DPYSL2: variants seen among roughly 807,000 people sequenced by gnomAD.
The protein encoded by DPYSL2 is dihydropyrimidinase-related protein 2.
DPYSL2 carries 13 observed loss-of-function variants against 69.9 expected under a neutral mutation model. The observed-to-expected ratio is 0.19, with a 90% confidence interval of 0.12 to 0.30. DPYSL2 has a LOEUF of 0.30. Ranked by LOEUF, DPYSL2 falls within the 10% of genes least tolerant of loss-of-function variation. The pLI, the probability that DPYSL2 is intolerant of heterozygous loss-of-function variation, is 1.00. For missense variants in DPYSL2, 587 were observed against 918.9 expected (o/e 0.64, Z 4.67); for synonymous variants, 326 against 359.1 (o/e 0.91, Z 1.04).
chr8:26,524,587 C>T (rs1278767037), intron 1 of DPYSL2, among the ~76,000 whole-genome samples: 1 of 151,888 alleles, frequency 6.6e-6, no homozygotes, highest in Non-Finnish European at 1.5e-5. Flanking sequence ...CACCTGAGGT[C>T]AGGAGTTTGA....
chr8:26,617,517 A>G lies in DPYSL2; in HGVS notation c.629-6626A>G, dbSNP rs1396786803. 6.6e-6 allele frequency among the ~76,000 whole-genome samples: 1 copy of G among 151,834 alleles called. No individual in the cohort carries two copies. The highest frequency in any genetic ancestry group is 1.5e-5 in the Non-Finnish European group (1 of 67,950). ...CTCAACAAAAGAAAAAGGATAAAAG[A>G]AAAAAAAATTAAAAGTAGGGTCATT... On this transcript the variant is annotated intron_variant, in intron 3 of 13. Transcript: ENST00000521913. This position sits in a 1 kb window ranked among gnomAD's most constrained non-coding sequence, Gnocchi z 4.7.
At position 26,598,799 on chromosome 8, in the gene DPYSL2, T is replaced by C. The variant is rs1801924522; in HGVS notation, c.628+14816T>C. Among the ~76,000 whole-genome samples the C allele has an allele frequency of 6.6e-6, 1 of 152,176 alleles. No individual in the cohort carries two copies. The highest frequency in any genetic ancestry group is 1.5e-5 in the Non-Finnish European group (1 of 68,036). On this transcript the variant is annotated intron_variant, in intron 3 of 13. Coordinates refer to ENST00000521913, the MANE Select transcript of DPYSL2 (RefSeq NM_001197293.3). This position sits in a 1 kb window ranked among gnomAD's most constrained non-coding sequence, Gnocchi z 4.2. Reference sequence around the variant, plus strand: ...AGGTTTGAGACTTACACCTTGTTTATTGCAATCTTTCTTTCATTTTGCAGG... The same window carrying C: ...AGGTTTGAGACTTACACCTTGTTTACTGCAATCTTTCTTTCATTTTGCAGG...
At position 26,565,931 on chromosome 8, in the gene DPYSL2, G is replaced by A. The variant is rs1001370563; in HGVS notation, c.355-16038G>A. Reference sequence around the variant, plus strand: ...AATTGTCTATGTCCTAGGCCTTGAAGAGATGCACTGCGTTGGCTAGAACTC... The same window carrying A: ...AATTGTCTATGTCCTAGGCCTTGAAAAGATGCACTGCGTTGGCTAGAACTC... On this transcript the variant is annotated intron_variant, in intron 1 of 13. Coordinates refer to ENST00000521913, the MANE Select transcript of DPYSL2 (RefSeq NM_001197293.3). This position sits in a 1 kb window ranked among gnomAD's most constrained non-coding sequence, Gnocchi z 4.1. Among the ~76,000 whole-genome samples the A allele has an allele frequency of 6.6e-6, 1 of 152,218 alleles. No homozygotes were observed. The highest frequency in any genetic ancestry group is 2.4e-5 in the African/African-American group (1 of 41,454).
Position 26,647,456 on chromosome 8 carries a change from T to C in DPYSL2, c.1426-174T>C, listed in dbSNP as rs1803191487. Among the ~76,000 whole-genome samples, 1 of 152,262 alleles carries C rather than the reference T, an allele frequency of 6.6e-6. No homozygotes were observed. Among genetic ancestry groups the C allele is most frequent in the Non-Finnish European group, 1.5e-5 (1 of 68,046 alleles). ...CCATTTTGTTATTTGGAGAATGTTA[T>C]AGAAATGGAGTCATACAGTGTGTGA... On this transcript the variant is annotated intron_variant, in intron 10 of 13. Transcript: ENST00000521913. The surrounding 1 kb of genome is among the most constrained non-coding windows in gnomAD (Gnocchi z 5.1).
intron 3 of DPYSL2, 82 bp downstream of exon 3, chr8:26,584,065 C>G (rs1801545223): frequency 2.1e-6 from 3 of 1,416,014 alleles, no homozygotes; most frequent in Non-Finnish European, 2.9e-6. Flanking sequence ...TTCTCTCCTT[C>G]TAAAACTTGC....
At position 26,627,745 on chromosome 8, in the gene DPYSL2, T is replaced by C. The variant is rs1802652698; in HGVS notation, c.937-127T>C. 1 of 906,272 alleles carries C rather than the reference T, an allele frequency of 1.1e-6. No homozygotes were observed. 56.1% of individuals were successfully genotyped at this position (906,272 alleles called of 1,614,324 possible). A position where few individuals can be genotyped will look rare whatever the true frequency, so the allele number is the denominator to read the frequency against. Reference sequence around the variant, plus strand: ...CCCTTCTCTTCATGAGGTCTTGGGATGAGGGCAGAACGATCGGCAGTGGTA... The same window carrying C: ...CCCTTCTCTTCATGAGGTCTTGGGACGAGGGCAGAACGATCGGCAGTGGTA... On this transcript the variant is annotated intron_variant, in intron 6 of 13. Transcript: ENST00000521913. The surrounding 1 kb of genome is among the most constrained non-coding windows in gnomAD (Gnocchi z 6.9).
In DPYSL2 at chr8:26,642,294, G is replaced by T. The variant is rs765513533; in HGVS notation, c.1127-1145G>T. ...ACTGGAGGGGAGGATGGGATTCTCA[G>T]GTGAAGGGTGTGAGACCCGAGTTGT... is the stretch of plus-strand genomic sequence containing the variant. On this transcript the variant is annotated intron_variant, in intron 8 of 13. Transcript: ENST00000521913. The surrounding 1 kb of genome is among the most constrained non-coding windows in gnomAD (Gnocchi z 5.3). 6.6e-6 allele frequency among the ~76,000 whole-genome samples: 1 copy of T among 152,196 alleles called. No homozygotes were observed. Among genetic ancestry groups the T allele is most frequent in the Non-Finnish European group, 1.5e-5 (1 of 68,028 alleles).
rs1447054599 is a variant in DPYSL2, at chr8:26,588,372, T to A, written c.628+4389T>A. On this transcript the variant is annotated intron_variant, in intron 3 of 13. Coordinates refer to ENST00000521913, the MANE Select transcript of DPYSL2 (RefSeq NM_001197293.3). The surrounding 1 kb of genome is among the most constrained non-coding windows in gnomAD (Gnocchi z 5.4). ...CCTTACCTGGTTAAAGTAGCAAATC[T>A]GCTGGTGGGGTCTGTGACTCTGTAT... Among the ~76,000 whole-genome samples, 1 of 152,208 alleles carries A rather than the reference T, an allele frequency of 6.6e-6. No homozygotes were observed. Among genetic ancestry groups the A allele is most frequent in the Non-Finnish European group, 1.5e-5 (1 of 68,038 alleles).
chr8:26,527,168 A>G (rs1453483213), intron 1 of DPYSL2, among the ~76,000 whole-genome samples: 1 of 152,090 alleles, frequency 6.6e-6, no homozygotes, highest in Non-Finnish European at 1.5e-5. Flanking sequence ...CCCTGAAATC[A>G]TTTCTGTTCA....
intron 2 of DPYSL2, among the ~76,000 whole-genome samples, chr8:26,583,446 A>C (rs1801532321): frequency 6.6e-6 from 1 of 152,168 alleles, no homozygotes; most frequent in Non-Finnish European, 1.5e-5. Context: ...GTCTGGAGAA[A>C]ATTGCTATAG....
At position 26,556,493 on chromosome 8, in the gene DPYSL2, G is replaced by C. The variant is rs567377770; in HGVS notation, c.355-25476G>C. On this transcript the variant is annotated intron_variant, in intron 1 of 13. Coordinates refer to ENST00000521913, the MANE Select transcript of DPYSL2 (RefSeq NM_001197293.3). Reference sequence around the variant, plus strand: ...ACTATTAAATGATTATATCAAGATTGTAGGATATAAGGTTATTATACAAAA... The same window carrying C: ...ACTATTAAATGATTATATCAAGATTCTAGGATATAAGGTTATTATACAAAA... Among the ~76,000 whole-genome samples, 249 of 124,684 alleles carry C rather than the reference G, an allele frequency of 2.0e-3. 2 individuals are homozygous for C. Among genetic ancestry groups the C allele is most frequent in the Admixed American group, 7.8e-3 (86 of 11,066 alleles). 81.8% of individuals were successfully genotyped at this position (124,684 alleles called of 152,430 possible).
intron 3 of DPYSL2, among the ~76,000 whole-genome samples, chr8:26,592,507 C>G (rs1300600232): frequency 7.3e-6 from 1 of 136,706 alleles, no homozygotes; most frequent in African/African-American, 2.7e-5. Flanking sequence ...CGGAGTTTTG[C>G]TCTTGTTGCC....
rs1168926456 is a variant in DPYSL2 at position 26,598,559 on chromosome 8, C to A, written c.628+14576C>A. 6.6e-6 allele frequency among the ~76,000 whole-genome samples: 1 copy of A among 152,216 alleles called. No homozygotes were observed. The highest frequency in any genetic ancestry group is 6.5e-5 in the Admixed American group (1 of 15,284). On this transcript the variant is annotated intron_variant, in intron 3 of 13. Coordinates refer to ENST00000521913, the MANE Select transcript of DPYSL2 (RefSeq NM_001197293.3). The surrounding 1 kb of genome is among the most constrained non-coding windows in gnomAD (Gnocchi z 4.2). ...AAAGCACCAGGAGACACCCGATGTG[C>A]CCCCACCTTGGTGAGCACCTTTCCC...
rs1159470003 is a variant in DPYSL2 at position 26,587,045 on chromosome 8, G to C, written c.628+3062G>C. Among the ~76,000 whole-genome samples, 1 of 152,218 alleles carries C rather than the reference G, an allele frequency of 6.6e-6. No homozygotes were observed. The highest frequency in any genetic ancestry group is 1.5e-5 in the Non-Finnish European group (1 of 68,042). ...TACTAGCCTGCCTTTCCCCGGGGGA[G>C]GGAATGGTAATAATACAGGTGAGGA... is the stretch of plus-strand genomic sequence containing the variant. On this transcript the variant is annotated intron_variant, in intron 3 of 13. Transcript: ENST00000521913. The surrounding 1 kb of genome is among the most constrained non-coding windows in gnomAD (Gnocchi z 4.2).
Position 26,565,043 on chromosome 8 carries a change from G to A in DPYSL2, c.355-16926G>A, listed in dbSNP as rs1031904946. On this transcript the variant is annotated intron_variant, in intron 1 of 13. Transcript: ENST00000521913. The surrounding 1 kb of genome is among the most constrained non-coding windows in gnomAD (Gnocchi z 4.1). ...ACAGTGTTTAGTTTTCCACTCTTGT[G>A]TTACTTCACTTAGAATAATGGCTTC... is the stretch of plus-strand genomic sequence containing the variant. 6.6e-6 allele frequency among the ~76,000 whole-genome samples: 1 copy of A among 152,120 alleles called. No individual in the cohort carries two copies. Among genetic ancestry groups the A allele is most frequent in the African/African-American group, 2.4e-5 (1 of 41,418 alleles).
At chr8:26,645,393 C>A (rs1280723304) in intron 10 of DPYSL2, among the ~76,000 whole-genome samples, 1 of 151,630 alleles carries the variant, frequency 6.6e-6, no homozygotes, top group Non-Finnish European at 1.5e-5. Context: ...ACAGTGAGAC[C>A]CTGTTTCAAA....
chr8:26,653,320 C>T lies in DPYSL2; in HGVS notation c.1865C>T (p.Ser622Phe). Residue 622 changes from serine (S) to phenylalanine (F), a missense_variant, in exon 13 of 14, where the codon TCC becomes TTC. Ser to Phe is a radical substitution (Grantham distance 155, BLOSUM62 -2). Transcript: ENST00000521913. This position sits in a 1 kb window ranked among gnomAD's most constrained non-coding sequence, Gnocchi z 5.7. ...ACGCCCAAGACAGTCACTCCAGCCTCCTCGGCCAAGACGTCTCCTGCCAAG... is the reference window on the plus strand; with the variant it reads ...ACGCCCAAGACAGTCACTCCAGCCTTCTCGGCCAAGACGTCTCCTGCCAAG... ...SVTPKTVTPA[S>F]SAKTSPAKQQ... The T allele has an allele frequency of 1.2e-6, 2 of 1,614,182 alleles. No homozygotes were observed. Among genetic ancestry groups the T allele is most frequent in the Non-Finnish European group, 1.7e-6 (2 of 1,180,034 alleles).
At chr8:26,537,154 C>G (rs1563378375) in intron 1 of DPYSL2, among the ~76,000 whole-genome samples, 1 of 151,914 alleles carries the variant, frequency 6.6e-6, no homozygotes, top group Admixed American at 6.6e-5. Context: ...ATAGGTAATT[C>G]CTACAGAGTT....
At position 26,560,892 on chromosome 8, in the gene DPYSL2, A is replaced by C. The variant is rs540414732; in HGVS notation, c.355-21077A>C. On this transcript the variant is annotated intron_variant, in intron 1 of 13. Transcript: ENST00000521913. The surrounding 1 kb of genome is among the most constrained non-coding windows in gnomAD (Gnocchi z 4.4). ...AAGAAACATCATTAATCATATGATG[A>C]GTGTTTGTCAGGCCTCCAAGTCTAA... 2.2e-4 allele frequency among the ~76,000 whole-genome samples: 33 copies of C among 152,294 alleles called. No individual in the cohort carries two copies. Among genetic ancestry groups the C allele is most frequent in the Non-Finnish European group, 4.0e-4 (27 of 68,024 alleles).
Sources: allele counts gnomAD v4.1 joint callset (sites outside exome capture counted in the v4.1 genomes callset), GRCh38; gene constraint gnomAD v4.1.1; non-coding constraint Gnocchi (gnomAD v3.1); transcripts MANE v1.5; gene names NCBI Gene and HGNC (gene_info 2026-07-23, HGNC 2026-07-21).